The following MAP2K5 variants were observed in gnomAD, a reference collection of about 807,000 sequenced individuals.
The protein encoded by MAP2K5 is mitogen-activated protein kinase kinase 5.
MAP2K5 carries 49 observed loss-of-function variants against 83.1 expected under a neutral mutation model. The observed-to-expected ratio is 0.59, with a 90% CI of 0.47 to 0.75. The LOEUF is 0.75. Ranked by LOEUF, MAP2K5 falls within the 30% of genes least tolerant of loss-of-function variation. The pLI is 0.00. For synonymous variants in MAP2K5, 202 were observed against 191.8 expected, an observed-to-expected ratio of 1.05 and a Z score of -0.44; for missense variants, 457 against 557.5, an observed-to-expected ratio of 0.82 and a Z score of 1.82.
At position 67,748,323 on chromosome 15, in the gene MAP2K5, C is replaced by A. The variant is rs2089648523; in HGVS notation, c.1101+66C>A. 7.6e-7 allele frequency: 1 copy of A among 1,321,936 alleles called. No homozygotes were observed. Among genetic ancestry groups the A allele is most frequent in the Non-Finnish European group, 1.1e-6 (1 of 919,564 alleles). 81.9% of individuals were successfully genotyped at this position (1,321,936 alleles called of 1,614,324 possible). On this transcript the variant is annotated intron_variant, in intron 18 of 21. Coordinates refer to ENST00000178640, the MANE Select transcript of MAP2K5 (RefSeq NM_145160.3). This position sits in a 1 kb window ranked among gnomAD's most constrained non-coding sequence, Gnocchi z 4.0. ...TCCTGATGGCTGCTTCCTTTGCATGCTTGAATGCCTTGTTTTAAACTTAGC... is the reference window on the plus strand; with the variant it reads ...TCCTGATGGCTGCTTCCTTTGCATGATTGAATGCCTTGTTTTAAACTTAGC...
chr15:67,602,200 C>T (rs922980787), intron 8 of MAP2K5, among the ~76,000 whole-genome samples: 14 of 152,162 alleles, frequency 9.2e-5, no homozygotes, highest in African/African-American at 2.2e-4. Context: ...CTCTTCCTTA[C>T]GATCTGACTT....
Position 67,769,621 on chromosome 15 carries a change from T to C in MAP2K5, c.1154T>C (p.Val385Ala), listed in dbSNP as rs2090103960. The C allele has an allele frequency of 6.2e-7, 1 of 1,613,836 alleles. No individual in the cohort carries two copies. Among genetic ancestry groups the C allele is most frequent in the East Asian group, 2.2e-5 (1 of 44,874 alleles). The change falls in exon 20 of 22, where the codon GTT becomes GCT. Residue 385 changes from valine to alanine, a missense_variant. Physicochemically the swap from Val to Ala is moderately conservative, Grantham distance 64. Around this residue, in one of 3 missense-constraint regions of MAP2K5, gnomAD observed 168 missense variants for 263.0 expected, o/e 0.64. Transcript: ENST00000178640. The surrounding 1 kb of genome is among the most constrained non-coding windows in gnomAD (Gnocchi z 5.2). ...IVDEDSPVLP[V>A]GEFSEPFVHF... ...TCACAGGATTCGCCCGTCCTTCCAG[T>C]TGGAGAGTTCTCGGAGCCATTTGTA... is the stretch of plus-strand genomic sequence containing the variant.
chr15:67,544,037 A>C (rs910596180), intron 1 of MAP2K5, among the ~76,000 whole-genome samples: 3 of 152,208 alleles, frequency 2.0e-5, no homozygotes, highest in African/African-American at 7.2e-5. Context: ...CAGCCTCCCA[A>C]GTAGCTGGCA....
At position 67,749,602 on chromosome 15, in the gene MAP2K5, C is replaced by T. The variant is rs896951815; in HGVS notation, c.1134+1001C>T. Among the ~76,000 whole-genome samples the T allele has an allele frequency of 6.6e-6, 1 of 152,054 alleles. No homozygotes were observed. Among genetic ancestry groups the T allele is most frequent in the African/African-American group, 2.4e-5 (1 of 41,382 alleles). ...AAAAAATAAACACACACACACATAT[C>T]ACAATAATAGTAAGAGTGGGGCTCT... On this transcript the variant is annotated intron_variant, in intron 19 of 21. Coordinates refer to ENST00000178640, the MANE Select transcript of MAP2K5 (RefSeq NM_145160.3). This position sits in a 1 kb window ranked among gnomAD's most constrained non-coding sequence, Gnocchi z 4.6.
chr15:67,624,307 C>T (rs2086260256), intron 8 of MAP2K5, among the ~76,000 whole-genome samples: 2 of 136,418 alleles, frequency 1.5e-5, no homozygotes, highest in African/African-American at 2.7e-5. Context: ...CTGCTGCACT[C>T]CAGCCTGGGC....
chr15:67,742,660 G>T (rs1747390666), intron 17 of MAP2K5, among the ~76,000 whole-genome samples: 1 of 152,134 alleles, frequency 6.6e-6, no homozygotes, highest in South Asian at 2.1e-4. Flanking sequence ...GGTACTTAAT[G>T]GACTCTGTGG....
intron 17 of MAP2K5, among the ~76,000 whole-genome samples, chr15:67,728,486 CTTTA>C (rs1422137833): frequency 2.6e-5 from 4 of 152,130 alleles, no homozygotes; most frequent in Admixed American, 6.5e-5. Context: ...TGACTCTAAT[CTTTA>C]TTAAAATTTC....
In MAP2K5 at chr15:67,782,498, AT is replaced by A. The variant is rs946873773; in HGVS notation, c.1242+9755del. ...ATTTCATACAGCCTGATTTTAGTTA[AT>A]TTTTTTTTCAGCGCCTCACAGTAGG... On this transcript the variant is annotated intron_variant, in intron 21 of 21. Coordinates refer to ENST00000178640, the MANE Select transcript of MAP2K5 (RefSeq NM_145160.3). This position sits in a 1 kb window ranked among gnomAD's most constrained non-coding sequence, Gnocchi z 4.9. Among the ~76,000 whole-genome samples, 2 of 151,532 alleles carry A rather than the reference AT, an allele frequency of 1.3e-5. No individual in the cohort carries two copies. Among genetic ancestry groups the A allele is most frequent in the East Asian group, 1.9e-4 (1 of 5,182 alleles).
Position 67,750,870 on chromosome 15 carries a change from C to T in MAP2K5, c.1134+2269C>T, listed in dbSNP as rs1211369809. On this transcript the variant is annotated intron_variant, in intron 19 of 21. Coordinates refer to ENST00000178640, the MANE Select transcript of MAP2K5 (RefSeq NM_145160.3). The surrounding 1 kb of genome is among the most constrained non-coding windows in gnomAD (Gnocchi z 4.2). ...CCCGTTGTGAAGTGGGTATCTGTTG[C>T]TAGTATATACTATTTCCTGTTAGAG... is the stretch of plus-strand genomic sequence containing the variant. Among the ~76,000 whole-genome samples the T allele has an allele frequency of 6.6e-6, 1 of 152,032 alleles. No individual in the cohort carries two copies. Among genetic ancestry groups the T allele is most frequent in the Non-Finnish European group, 1.5e-5 (1 of 68,018 alleles).
At chr15:67,656,425 A>G (rs1378852179) in intron 11 of MAP2K5, among the ~76,000 whole-genome samples, 1 of 151,884 alleles carries the variant, frequency 6.6e-6, no homozygotes, top group Non-Finnish European at 1.5e-5. Context: ...CCCGGGTTCA[A>G]GCAATTCTCC....
chr15:67,569,005 C>CAAAAAAAAAAAAAAAAAAAAAAAAAA (rs71142380), intron 3 of MAP2K5, among the ~76,000 whole-genome samples: 1 of 91,206 alleles, frequency 1.1e-5, no homozygotes, highest in African/African-American at 4.3e-5. Context: ...GACTCCATCT[C>CAAAAAAAAAAAAAAAAAAAAAAAAAA]AAAAAAAAAA....
chr15:67,575,920 T>TTTC (rs1567283588), intron 3 of MAP2K5, among the ~76,000 whole-genome samples: 1,541 of 126,138 alleles, frequency 0.012, 19 homozygotes, highest in African/African-American at 0.044. Context: ...TTCTTTCTTT[T>TTTC]TTTTTTTTTT....
At chr15:67,680,478 C>T (rs1227836229) in intron 13 of MAP2K5, among the ~76,000 whole-genome samples, 1 of 152,086 alleles carries the variant, frequency 6.6e-6, no homozygotes, top group Non-Finnish European at 1.5e-5. Flanking sequence ...ATGTTTCATA[C>T]TTTGTTAAAG....
chr15:67,758,830 T>G lies in MAP2K5; in HGVS notation c.1134+10229T>G, dbSNP rs1424685718. 2.6e-5 allele frequency among the ~76,000 whole-genome samples: 4 copies of G among 152,228 alleles called. No homozygotes were observed. The highest frequency in any genetic ancestry group is 5.9e-5 in the Non-Finnish European group (4 of 68,042). On this transcript the variant is annotated intron_variant, in intron 19 of 21. Coordinates refer to ENST00000178640, the MANE Select transcript of MAP2K5 (RefSeq NM_145160.3). The surrounding 1 kb of genome is among the most constrained non-coding windows in gnomAD (Gnocchi z 4.7). ...AATCAAAGGGTAAGGTTCCTTACATTATACTATCACTGATTTGAAGAAAGT... is the reference window on the plus strand; with the variant it reads ...AATCAAAGGGTAAGGTTCCTTACATGATACTATCACTGATTTGAAGAAAGT...
chr15:67,714,084 G>A (rs1452105228), intron 16 of MAP2K5, among the ~76,000 whole-genome samples: 1 of 152,038 alleles, frequency 6.6e-6, no homozygotes, highest in Non-Finnish European at 1.5e-5. Context: ...TTAAGTGCTG[G>A]GATACATTGG....
chr15:67,679,169 G>C (rs2087753104), intron 13 of MAP2K5, among the ~76,000 whole-genome samples: 1 of 152,254 alleles, frequency 6.6e-6, no homozygotes, highest in Admixed American at 6.5e-5. Context: ...TGGGCAGTGG[G>C]CGGAGGAGCC....
At chr15:67,586,996 T>A (rs1418714044) in intron 6 of MAP2K5, 83 bp downstream of exon 6, 1 of 1,382,984 alleles carries the variant, frequency 7.2e-7, no homozygotes, top group African/African-American at 1.4e-5. Context: ...TAGAAAGAAA[T>A]TTGACCAGTT....
chr15:67,547,857 G>A (rs1390697116), intron 1 of MAP2K5, among the ~76,000 whole-genome samples: 1 of 152,198 alleles, frequency 6.6e-6, no homozygotes, highest in East Asian at 1.9e-4. Context: ...GCTGGAAAAT[G>A]TATATAAAAT....
intron 4 of MAP2K5, among the ~76,000 whole-genome samples, chr15:67,584,164 A>G (rs1318843857): frequency 6.6e-6 from 1 of 152,224 alleles, no homozygotes; most frequent in Non-Finnish European, 1.5e-5. Flanking sequence ...TTAAATATTA[A>G]TAAGTGTGAA....
Sources: gnomAD v4.1 joint callset for allele counts (sites outside exome capture counted in the v4.1 genomes callset) on GRCh38, gnomAD v4.1.1 for gene constraint, gnomAD v4.1.1 regional missense constraint, Gnocchi (gnomAD v3.1) non-coding constraint, MANE v1.5 for transcripts, NCBI Gene and HGNC (gene_info 2026-07-23, HGNC 2026-07-21) for gene names.